PCDHGA3: variants seen among roughly 807,000 people sequenced by gnomAD.
PCDHGA3 encodes protocadherin gamma-A3.
A neutral mutation model predicts 58.5 loss-of-function variants in PCDHGA3; 40 were observed. The observed-to-expected ratio is 0.68, with a 90% CI of 0.53 to 0.89. The LOEUF is 0.89. Ranked by LOEUF, PCDHGA3 falls within the 40% of genes least tolerant of loss-of-function variation. The pLI, the probability that PCDHGA3 is intolerant of heterozygous loss-of-function variation, is 0.00. For missense variants in PCDHGA3, 1,223 were observed against 1,195.9 expected (o/e 1.02, Z -0.33); for synonymous variants, 530 against 525.7 (o/e 1.01, Z -0.11).
At chr5:141,371,504 AAC>A (rs780003626) in intron 1 of PCDHGA3, 7 of 1,613,916 alleles carry the variant, frequency 4.3e-6, no homozygotes, top group Non-Finnish European at 5.9e-6. Context: ...CCCTGATCAA[AAC>A]ACATGATCTA....
At chr5:141,454,838 C>T (rs1472341694) in intron 1 of PCDHGA3, among the ~76,000 whole-genome samples, 7 of 100,814 alleles carry the variant, frequency 6.9e-5, no homozygotes, top group Non-Finnish European at 1.1e-4. Flanking sequence ...GACAGAGTCG[C>T]GCTCTGTCAC....
At chr5:141,420,417 A>C (rs112493756) in intron 1 of PCDHGA3, 20 of 1,211,742 alleles carry the variant, frequency 1.7e-5, no homozygotes, top group Admixed American at 1.1e-4. Flanking sequence ...ATCATTATTA[A>C]AACAAAAGTT....
intron 1 of PCDHGA3, chr5:141,352,010 G>A (rs1485029787): frequency 1.9e-6 from 3 of 1,610,096 alleles, no homozygotes; most frequent in African/African-American, 2.7e-5. Flanking sequence ...CGGCTACCTG[G>A]TGACCAAGGT....
At chr5:141,435,593 G>A (rs183768133) in intron 1 of PCDHGA3, among the ~76,000 whole-genome samples, 9 of 152,112 alleles carry the variant, frequency 5.9e-5, no homozygotes, top group Admixed American at 2.6e-4. Flanking sequence ...CAGTAATATC[G>A]CCTGCTTTTT....
At chr5:141,391,305 T>G (rs2092341171) in intron 1 of PCDHGA3, 1 of 151,546 alleles carries the variant, frequency 6.6e-6, no homozygotes, top group Non-Finnish European at 1.5e-5. Context: ...GTCTTTCGAT[T>G]CTTTTTTTTT....
chr5:141,478,920 C>T lies in PCDHGA3; in HGVS notation c.2425-15887C>T, dbSNP rs559060283. On this transcript the variant is annotated intron_variant, in intron 1 of 3. Transcript: ENST00000253812. Reference sequence around the variant, plus strand: ...GGAATAAGCTGCTGGATACCTCTAACCAGTGGCAGCTTCTAGGAATACAAA... The same window carrying T: ...GGAATAAGCTGCTGGATACCTCTAATCAGTGGCAGCTTCTAGGAATACAAA... 608 of 728,392 alleles carry T rather than the reference C, an allele frequency of 8.3e-4. 2 individuals are homozygous for T. The highest frequency in any genetic ancestry group is 1.2e-3 in the South Asian group (55 of 44,196). 45.1% of individuals were successfully genotyped at this position (728,392 alleles called of 1,614,324 possible).
chr5:141,386,365 A>G (rs1014338903), intron 1 of PCDHGA3, among the ~76,000 whole-genome samples: 2 of 152,278 alleles, frequency 1.3e-5, no homozygotes. Flanking sequence ...GATTCCAGAG[A>G]CCTTTGAGTA....
At chr5:141,414,668 A>C in intron 1 of PCDHGA3, 1 of 1,613,856 alleles carries the variant, frequency 6.2e-7, no homozygotes, top group East Asian at 2.2e-5. Context: ...CTGGCTGAAG[A>C]CACCATCCAG....
At chr5:141,415,884 A>C in intron 1 of PCDHGA3, 1 of 981,534 alleles carries the variant, frequency 1.0e-6, no homozygotes, top group Non-Finnish European at 1.4e-6. Context: ...TACAATATTG[A>C]CAATTCCTAA....
At chr5:141,510,349 C>T (rs1461596705) in intron 3 of PCDHGA3, among the ~76,000 whole-genome samples, 1 of 148,468 alleles carries the variant, frequency 6.7e-6, no homozygotes, top group Non-Finnish European at 1.5e-5. Context: ...CACACACTTA[C>T]TAACGGAACT....
chr5:141,413,122 G>A, intron 1 of PCDHGA3: 1 of 1,525,890 alleles, frequency 6.6e-7, no homozygotes. Flanking sequence ...GGAACCGGTT[G>A]AAACACACAA....
At chr5:141,350,947 T>A in intron 1 of PCDHGA3, 2 of 1,614,070 alleles carry the variant, frequency 1.2e-6, no homozygotes, top group Non-Finnish European at 1.7e-6. Context: ...GGATCCGAGT[T>A]ACGGATGCCA....
chr5:141,433,939 A>T (rs1015984226), intron 1 of PCDHGA3, among the ~76,000 whole-genome samples: 2 of 151,714 alleles, frequency 1.3e-5, no homozygotes, highest in Non-Finnish European at 2.9e-5. Context: ...TTATAATTCC[A>T]TTGTTTCTTC....
chr5:141,413,838 G>A, intron 1 of PCDHGA3: 1 of 1,613,284 alleles, frequency 6.2e-7, no homozygotes, highest in Non-Finnish European at 8.5e-7. Context: ...CCTCCGACGG[G>A]GGTGACCCTC....
chr5:141,346,579 T>C, intron 1 of PCDHGA3, 122 bp downstream of exon 1: 1 of 1,393,704 alleles, frequency 7.2e-7, no homozygotes, highest in Non-Finnish European at 9.7e-7. Flanking sequence ...TTTGACTAAA[T>C]ATTTGTCCCC....
intron 1 of PCDHGA3, chr5:141,389,993 G>T: frequency 6.2e-7 from 1 of 1,614,016 alleles, no homozygotes; most frequent in Non-Finnish European, 8.5e-7. Flanking sequence ...TCTTCCTCGT[G>T]GCCATGATTC....
At chr5:141,388,841 A>G in intron 1 of PCDHGA3, 1 of 1,614,022 alleles carries the variant, frequency 6.2e-7, no homozygotes. Context: ...TTTTGGAAGC[A>G]AGGGACGGTG....
intron 1 of PCDHGA3, among the ~76,000 whole-genome samples, chr5:141,459,376 G>A (rs72790056): frequency 0.022 from 3,347 of 152,266 alleles, 53 homozygotes; most frequent in South Asian, 0.04. Flanking sequence ...TATCAGCAGC[G>A]TGTTCCATTT....
At chr5:141,392,816 G>C (rs1442012424) in intron 1 of PCDHGA3, 3 of 1,587,594 alleles carry the variant, frequency 1.9e-6, no homozygotes, top group Admixed American at 3.6e-5. Context: ...AAACAACAAT[G>C]GCCGCTCCAC....
Sources: gnomAD v4.1 joint callset for allele counts (sites outside exome capture counted in the v4.1 genomes callset) on GRCh38, gnomAD v4.1.1 for gene constraint, MANE v1.5 for transcripts, NCBI Gene and HGNC (gene_info 2026-07-23, HGNC 2026-07-21) for gene names.